Variants in MFN1 observed in about 807,000 individuals in gnomAD.
MFN1 encodes mitofusin 1, also known as mitofusin-1.
In MFN1, 65 loss-of-function variants were observed where a neutral mutation model predicts 92.4. The observed-to-expected ratio is 0.70, with a 90% CI of 0.58 to 0.86. MFN1 has a LOEUF of 0.86. Among genes scored for constraint, MFN1 ranks in the 40% least tolerant of loss-of-function variants. The pLI is 0.00. For missense variants in MFN1, 781 were observed against 868.0 expected (o/e 0.90, Z 1.26); for synonymous variants, 297 against 300.9 (o/e 0.99, Z 0.13).
At chr3:179,384,877 T>G (rs1372855031) in intron 14 of MFN1, among the ~76,000 whole-genome samples, 12 of 151,626 alleles carry the variant, frequency 7.9e-5, no homozygotes, top group Admixed American at 4.6e-4. Flanking sequence ...TTTTGAAGTT[T>G]AAGAGGTTTT....
intron 10 of MFN1, among the ~76,000 whole-genome samples, chr3:179,376,296 T>G (rs573011548): frequency 1.3e-5 from 2 of 152,342 alleles, no homozygotes; most frequent in East Asian, 3.9e-4. Context: ...ATCGTGCTGC[T>G]ATAGCAGTTC....
chr3:179,385,554 C>CTTTTT lies in MFN1; in HGVS notation c.1663-10_1663-6dup. 1 of 1,434,370 alleles carries CTTTTT rather than the reference C, an allele frequency of 7.0e-7. No homozygotes were observed. The highest frequency in any genetic ancestry group is 9.3e-7 in the Non-Finnish European group (1 of 1,072,960). 88.9% of individuals were successfully genotyped at this position (1,434,370 alleles called of 1,614,324 possible). ...TTAAGTGTAATCTTTTTTCCTTTCTCTTTTTTTTTGGCAGCTCCCTAGATC... is the reference window on the plus strand; with the variant it reads ...TTAAGTGTAATCTTTTTTCCTTTCTCTTTTTTTTTTTTTTGGCAGCTCCCTAGATC... On this transcript the variant is annotated splice_polypyrimidine_tract_variant and intron_variant, in intron 14 of 17. Coordinates refer to ENST00000471841, the MANE Select transcript of MFN1 (RefSeq NM_033540.3).
intron 7 of MFN1, among the ~76,000 whole-genome samples, chr3:179,366,033 G>A (rs186575771): frequency 2.0e-5 from 3 of 152,282 alleles, no homozygotes; most frequent in Admixed American, 1.3e-4. Context: ...TCTCAGTGTG[G>A]AGGATGGACA....
At position 179,352,704 on chromosome 3, in the gene MFN1, A is replaced by G. The variant is rs190287292; in HGVS notation, c.248+669A>G. ...ACTGAATGCACTGGTATGCCATTCC[A>G]TGCATTCCAGATTATAATCTTTATT... On this transcript the variant is annotated intron_variant, in intron 3 of 17. Coordinates refer to ENST00000471841, the MANE Select transcript of MFN1 (RefSeq NM_033540.3). Among the ~76,000 whole-genome samples the G allele has an allele frequency of 1.1e-4, 17 of 152,236 alleles. No individual in the cohort carries two copies. The East Asian group carries it at 2.9e-3, about 26-fold the overall frequency.
chr3:179,350,113 C>T (rs1239243320), intron 2 of MFN1, among the ~76,000 whole-genome samples: 1 of 151,624 alleles, frequency 6.6e-6, no homozygotes, highest in Non-Finnish European at 1.5e-5. Flanking sequence ...AAGTCGCCCA[C>T]TGCACTCCAG....
chr3:179,360,344 C>T (rs544824430), intron 4 of MFN1, among the ~76,000 whole-genome samples: 15 of 152,226 alleles, frequency 9.9e-5, no homozygotes, highest in African/African-American at 3.4e-4. Flanking sequence ...GCCTGGCCTC[C>T]GATTTGTCTT....
At chr3:179,364,455 A>G (rs1329423875) in intron 6 of MFN1, 50 bp downstream of exon 6, 1 of 1,360,050 alleles carries the variant, frequency 7.4e-7, no homozygotes, top group Non-Finnish European at 1.0e-6. Context: ...ATGAAATGGT[A>G]TCTGTTTTAA....
intron 2 of MFN1, 101 bp downstream of exon 2, chr3:179,349,064 C>T: frequency 4.6e-6 from 4 of 867,730 alleles, no homozygotes; most frequent in Admixed American, 2.4e-5. Flanking sequence ...GGGCATTATA[C>T]TGTATACTAT....
chr3:179,368,207 G>T, intron 9 of MFN1, 104 bp downstream of exon 9: 2 of 869,516 alleles, frequency 2.3e-6, no homozygotes, highest in Middle Eastern at 3.3e-4. Context: ...AACTTTTGCT[G>T]TTATTTAGTT....
At position 179,351,956 on chromosome 3, in the gene MFN1, A is replaced by T. The variant is rs1421896280; in HGVS notation, c.169A>T (p.Met57Leu). 1 of 1,611,372 alleles carries T rather than the reference A, an allele frequency of 6.2e-7. No individual in the cohort carries two copies. Among genetic ancestry groups the T allele is most frequent in the Non-Finnish European group, 8.5e-7 (1 of 1,177,974 alleles). Residue 57 changes from methionine to leucine, a missense_variant, in exon 3 of 18, where the codon ATG (methionine) becomes TTG (leucine). Transcript: ENST00000471841. ...RIATEDDLVE[M>L]QGYKDKLSII... ...AGCCACTGAAGATGATCTGGTAGAA[A>T]TGCAAGGATATAAAGACAAGCTTTC...
chr3:179,351,435 A>T (rs964494225), intron 2 of MFN1, among the ~76,000 whole-genome samples: 1 of 152,174 alleles, frequency 6.6e-6, no homozygotes, highest in East Asian at 1.9e-4. Context: ...AGCAGATAGA[A>T]CGTGGTAAAG....
At chr3:179,363,165 G>T (rs532305193) in intron 5 of MFN1, among the ~76,000 whole-genome samples, 6 of 152,112 alleles carry the variant, frequency 3.9e-5, no homozygotes, top group East Asian at 3.9e-4. Context: ...GTACAGTGGC[G>T]CAGTGTCAGC....
At chr3:179,387,061 G>A (rs1235134460) in intron 16 of MFN1, among the ~76,000 whole-genome samples, 2 of 152,018 alleles carry the variant, frequency 1.3e-5, no homozygotes, top group Non-Finnish European at 2.9e-5. Flanking sequence ...GACCACAGGT[G>A]TGTGCCACCA....
At chr3:179,379,143 A>G (rs1713369597) in intron 14 of MFN1, among the ~76,000 whole-genome samples, 1 of 144,036 alleles carries the variant, frequency 6.9e-6, no homozygotes, top group Non-Finnish European at 1.6e-5. Flanking sequence ...TTCTAGCTGC[A>G]ATATATCTTT....
At chr3:179,370,560 C>T (rs1712984884) in intron 9 of MFN1, among the ~76,000 whole-genome samples, 1 of 151,864 alleles carries the variant, frequency 6.6e-6, no homozygotes, top group African/African-American at 2.4e-5. Flanking sequence ...TACAGGGGCA[C>T]ACCACTACAT....
At chr3:179,370,650 T>G (rs997283122) in intron 9 of MFN1, among the ~76,000 whole-genome samples, 3 of 152,092 alleles carry the variant, frequency 2.0e-5, no homozygotes, top group African/African-American at 7.2e-5. Flanking sequence ...GACCTCATGA[T>G]CCACCCGCCT....
At chr3:179,382,882 G>A (rs1319800980) in intron 14 of MFN1, among the ~76,000 whole-genome samples, 1 of 152,208 alleles carries the variant, frequency 6.6e-6, no homozygotes, top group African/African-American at 2.4e-5. Context: ...TTTGAGAAGT[G>A]TCTGTTCATA....
intron 10 of MFN1, among the ~76,000 whole-genome samples, chr3:179,376,384 A>G (rs1326281005): frequency 2.0e-5 from 3 of 152,234 alleles, no homozygotes; most frequent in African/African-American, 7.2e-5. Flanking sequence ...TTTTAAAGAT[A>G]TAGGATGTTG....
intron 3 of MFN1, among the ~76,000 whole-genome samples, chr3:179,358,151 T>G (rs1249159850): frequency 3.9e-4 from 5 of 12,908 alleles, no homozygotes; most frequent in Non-Finnish European, 8.1e-4. Flanking sequence ...ACTCATTTTG[T>G]TTTTTTTTTT....
Sources: allele counts gnomAD v4.1 joint callset (sites outside exome capture counted in the v4.1 genomes callset), GRCh38; gene constraint gnomAD v4.1.1; transcripts MANE v1.5; gene names NCBI Gene and HGNC (gene_info 2026-07-23, HGNC 2026-07-21).